Variants in SNX29 observed in about 807,000 individuals in gnomAD.
SNX29 encodes sorting nexin-29.
SNX29 carries 78 observed loss-of-function variants against 102.1 expected under a neutral mutation model. That is an observed-to-expected ratio of 0.76 (90% CI 0.64 to 0.92). SNX29 has a LOEUF of 0.92. Ranked by LOEUF, SNX29 falls within the 40% of genes least tolerant of loss-of-function variation. The probability of loss-of-function intolerance (pLI) is 0.00; values close to 1 mark genes in which losing one functional copy is unlikely to be tolerated. For synonymous variants in SNX29, 580 were observed against 414.5 expected, an observed-to-expected ratio of 1.40 and a Z score of -4.85; for missense variants, 1,280 against 1,061.7, an observed-to-expected ratio of 1.21 and a Z score of -2.86.
intron 11 of SNX29, chr16:12,081,217 T>G (rs1768323882): frequency 1.3e-5 from 2 of 152,132 alleles, no homozygotes; most frequent in Admixed American, 1.3e-4. Flanking sequence ...GAGTGCTGCT[T>G]CTTTTTGGCC....
At chr16:12,301,793 G>C (rs2080181854) in intron 15 of SNX29, among the ~76,000 whole-genome samples, 1 of 152,186 alleles carries the variant, frequency 6.6e-6, no homozygotes, top group African/African-American at 2.4e-5. Context: ...GAGGACTCTA[G>C]TCGCGGTTTG....
chr16:12,523,761 C>T (rs956048161), intron 19 of SNX29, among the ~76,000 whole-genome samples: 1 of 152,174 alleles, frequency 6.6e-6, no homozygotes, highest in Non-Finnish European at 1.5e-5. Flanking sequence ...GATCACAGAG[C>T]CCCTGATCAC....
At position 12,573,204 on chromosome 16, in the gene SNX29, C is replaced by G. The variant is rs2079224024; in HGVS notation, c.*4575C>G. 2 of 226,620 alleles carry G rather than the reference C, an allele frequency of 8.8e-6. No homozygotes were observed. The highest frequency in any genetic ancestry group is 1.8e-5 in the Non-Finnish European group (2 of 113,976). 14.0% of individuals were successfully genotyped at this position (226,620 alleles called of 1,614,324 possible). A position where few individuals can be genotyped will look rare whatever the true frequency, so the allele number is the denominator to read the frequency against. On this transcript the variant is annotated 3_prime_UTR_variant, in exon 21 of 21. Coordinates refer to ENST00000566228, the MANE Select transcript of SNX29 (RefSeq NM_032167.5). ...CCATCCAGGGTCTCCCGGCTCTAGG[C>G]AGACCGGATCCCGCAGTTCATCCCA...
At chr16:12,081,201 A>T (rs998906257) in intron 11 of SNX29, 24 of 152,114 alleles carry the variant, frequency 1.6e-4, no homozygotes, top group African/African-American at 5.8e-4. Flanking sequence ...TGTTCAAAAG[A>T]GAGATGAGTG....
chr16:12,155,090 C>T (rs149517919), intron 13 of SNX29, among the ~76,000 whole-genome samples: 72 of 152,270 alleles, frequency 4.7e-4, no homozygotes, highest in Admixed American at 1.4e-3. Context: ...GCTGCCTCTG[C>T]TGGATGCCTT....
At chr16:12,268,918 T>A (rs542893051) in intron 14 of SNX29, among the ~76,000 whole-genome samples, 4 of 152,292 alleles carry the variant, frequency 2.6e-5, no homozygotes, top group African/African-American at 9.6e-5. Context: ...CTACCTATTT[T>A]AGACGACTTA....
intron 13 of SNX29, among the ~76,000 whole-genome samples, chr16:12,163,027 A>G (rs1215318627): frequency 9.2e-5 from 14 of 152,108 alleles, no homozygotes; most frequent in Admixed American, 9.2e-4. Flanking sequence ...GGCTACAGGC[A>G]TGTACCACCA....
At chr16:12,512,637 C>T (rs764731391) in intron 19 of SNX29, among the ~76,000 whole-genome samples, 79 of 147,888 alleles carry the variant, frequency 5.3e-4, no homozygotes, top group African/African-American at 1.3e-3. Context: ...CCCATGGATA[C>T]GCAGGCGGTT....
intron 20 of SNX29, among the ~76,000 whole-genome samples, chr16:12,550,166 G>GA (rs1486785092): frequency 7.2e-5 from 11 of 152,160 alleles, no homozygotes; most frequent in African/African-American, 2.7e-4. Flanking sequence ...TAGTGATATG[G>GA]AAAAAATCTC....
intron 7 of SNX29, among the ~76,000 whole-genome samples, chr16:12,050,843 C>A (rs1287664792): frequency 6.6e-6 from 1 of 152,022 alleles, no homozygotes; most frequent in Non-Finnish European, 1.5e-5. Flanking sequence ...TCCCAAGTAG[C>A]TGGGATTACA....
At chr16:12,108,622 T>C (rs912611272) in intron 11 of SNX29, among the ~76,000 whole-genome samples, 7 of 152,056 alleles carry the variant, frequency 4.6e-5, no homozygotes, top group African/African-American at 1.7e-4. Context: ...ACAACAGCCC[T>C]GTGAGTTGAG....
chr16:12,493,250 C>T lies in SNX29; in HGVS notation c.2178+15391C>T, dbSNP rs1368042821. 7.9e-5 allele frequency among the ~76,000 whole-genome samples: 12 copies of T among 152,314 alleles called. No individual in the cohort carries two copies. The South Asian group carries it at 2.3e-3, about 29-fold the overall frequency. On this transcript the variant is annotated intron_variant, in intron 19 of 20. Transcript: ENST00000566228. ...TAGTTCTCCTTGAAGAGGTCCTTCACATCCCTTGTAAGTTGGATTCCTAGG... is the reference window on the plus strand; with the variant it reads ...TAGTTCTCCTTGAAGAGGTCCTTCATATCCCTTGTAAGTTGGATTCCTAGG...
At chr16:12,223,773 G>C (rs894327277) in intron 14 of SNX29, among the ~76,000 whole-genome samples, 2 of 152,238 alleles carry the variant, frequency 1.3e-5, no homozygotes, top group Admixed American at 6.5e-5. Context: ...TTGAGACCTA[G>C]AGGGGACCTT....
chr16:12,429,087 T>C (rs2085205156), intron 18 of SNX29, among the ~76,000 whole-genome samples: 1 of 152,000 alleles, frequency 6.6e-6, no homozygotes, highest in East Asian at 1.9e-4. Context: ...CCTAGTTAAT[T>C]ACAACACACA....
intron 1 of SNX29, among the ~76,000 whole-genome samples, chr16:11,992,149 C>T (rs1056289749): frequency 6.6e-6 from 1 of 152,028 alleles, no homozygotes; most frequent in Admixed American, 6.6e-5. Context: ...ACAAAATTAG[C>T]CCAGTGTGGT....
intron 11 of SNX29, among the ~76,000 whole-genome samples, chr16:12,080,318 C>CGTAA (rs1567187905): frequency 6.6e-6 from 1 of 152,142 alleles, no homozygotes; most frequent in East Asian, 1.9e-4. Flanking sequence ...GAGCAGACAC[C>CGTAA]GTAAGGCTGC....
intron 14 of SNX29, among the ~76,000 whole-genome samples, chr16:12,209,878 A>G (rs1317753526): frequency 1.3e-5 from 2 of 152,198 alleles, no homozygotes; most frequent in Non-Finnish European, 2.9e-5. Context: ...TCGCTTCATA[A>G]GAGCCTGCCC....
At chr16:12,412,665 G>A (rs553301193) in intron 18 of SNX29, among the ~76,000 whole-genome samples, 9 of 152,318 alleles carry the variant, frequency 5.9e-5, no homozygotes, top group African/African-American at 9.6e-5. Flanking sequence ...GCGTGCATAC[G>A]TGTGCATGTG....
At chr16:12,292,411 A>G (rs958451344) in intron 15 of SNX29, among the ~76,000 whole-genome samples, 1 of 152,060 alleles carries the variant, frequency 6.6e-6, no homozygotes, top group Non-Finnish European at 1.5e-5. Flanking sequence ...CTGTGTCTTG[A>G]TTCTCCCTAA....
Sources: gnomAD v4.1 joint callset for allele counts (sites outside exome capture counted in the v4.1 genomes callset) on GRCh38, gnomAD v4.1.1 for gene constraint, MANE v1.5 for transcripts, NCBI Gene and HGNC (gene_info 2026-07-23, HGNC 2026-07-21) for gene names.